PCDH9: variants seen among roughly 807,000 people sequenced by gnomAD.
PCDH9 encodes protocadherin-9.
Under a neutral mutation model 70.6 loss-of-function variants are expected in PCDH9, and 24 were observed. The observed-to-expected ratio is 0.34, with a 90% CI of 0.25 to 0.48. The LOEUF (loss-of-function observed/expected upper bound fraction) is 0.48. Among genes scored for constraint, PCDH9 ranks in the 20% least tolerant of loss-of-function variants. The probability of loss-of-function intolerance (pLI) is 0.99; values close to 1 mark genes in which losing one functional copy is unlikely to be tolerated. For missense variants in PCDH9, 1,281 were observed against 1,503.6 expected, an observed-to-expected ratio of 0.85 and a Z score of 2.45; for synonymous variants, 562 against 558.5, an observed-to-expected ratio of 1.01 and a Z score of -0.09.
In PCDH9 at chr13:66,914,685, C is replaced by T. The variant is rs141906092; in HGVS notation, c.3037-11080G>A. Among the ~76,000 whole-genome samples the T allele has an allele frequency of 3.7e-3, 556 of 151,910 alleles. 4 individuals carry two copies. The highest frequency in any genetic ancestry group is 0.012 in the African/African-American group (515 of 41,502). On this transcript the variant is annotated intron_variant, in intron 2 of 4. Coordinates refer to ENST00000377865, the MANE Select transcript of PCDH9 (RefSeq NM_203487.3). Reference sequence around the variant, plus strand: ...TTTTATGAAGATTCTCTCAAATAAACGCATACATGCATTCATTCATTCAAA... The same window carrying T: ...TTTTATGAAGATTCTCTCAAATAAATGCATACATGCATTCATTCATTCAAA...
At chr13:66,762,342 G>A (rs953921185) in intron 3 of PCDH9, among the ~76,000 whole-genome samples, 2 of 152,046 alleles carry the variant, frequency 1.3e-5, no homozygotes, top group African/African-American at 4.8e-5. Flanking sequence ...AGACAGGCCA[G>A]GAGGCTAAAT....
chr13:66,977,853 C>A (rs1000695092), intron 2 of PCDH9, among the ~76,000 whole-genome samples: 1 of 152,016 alleles, frequency 6.6e-6, no homozygotes, highest in East Asian at 1.9e-4. Context: ...CTCTATCCCA[C>A]CAGATTTCGC....
chr13:66,875,009 G>C (rs1389796671), intron 3 of PCDH9, among the ~76,000 whole-genome samples: 2 of 150,382 alleles, frequency 1.3e-5, no homozygotes, highest in African/African-American at 4.9e-5. Flanking sequence ...ATAATGAGAA[G>C]TTATCAGAAT....
At chr13:67,184,849 T>C (rs1441647548) in intron 2 of PCDH9, among the ~76,000 whole-genome samples, 1 of 152,234 alleles carries the variant, frequency 6.6e-6, no homozygotes, top group East Asian at 1.9e-4. Flanking sequence ...TATTTTCTAT[T>C]CACGAGGAGT....
intron 3 of PCDH9, among the ~76,000 whole-genome samples, chr13:66,842,578 C>G (rs1594134571): frequency 6.6e-6 from 1 of 152,146 alleles, no homozygotes; most frequent in Non-Finnish European, 1.5e-5. Flanking sequence ...GAAATAGGGA[C>G]ATTTCATCTC....
At position 67,226,311 on chromosome 13, in the gene PCDH9, G is replaced by A. The variant is rs774684864; in HGVS notation, c.2130C>T (p.Asn710=). The change falls in exon 2 of 5, where the codon AAC becomes AAT. Residue 710 remains asparagine (N), a synonymous_variant. Coordinates refer to ENST00000377865, the MANE Select transcript of PCDH9 (RefSeq NM_203487.3). This position sits in a 1 kb window ranked among gnomAD's most constrained non-coding sequence, Gnocchi z 5.0. ...VFAVDVDTGM[N]AELKYTIVSG... is the part of the protein sequence containing the mutation. ...TCACTATAGTATACTTTAGTTCAGCGTTCATTCCAGTGTCAACATCCACTG... is the reference window on the plus strand; with the variant it reads ...TCACTATAGTATACTTTAGTTCAGCATTCATTCCAGTGTCAACATCCACTG... 7.1e-5 allele frequency: 115 copies of A among 1,613,896 alleles called. No homozygotes were observed. The highest frequency in any genetic ancestry group is 1.8e-4 in the Admixed American group (11 of 59,998).
chr13:66,315,424 G>A (rs1253874108), intron 4 of PCDH9, among the ~76,000 whole-genome samples: 3 of 151,986 alleles, frequency 2.0e-5, no homozygotes, highest in East Asian at 3.8e-4. Flanking sequence ...AACCAAGCAC[G>A]TAGCAAGTCC....
chr13:66,940,656 G>C (rs1228245379), intron 2 of PCDH9, among the ~76,000 whole-genome samples: 1 of 151,732 alleles, frequency 6.6e-6, no homozygotes, highest in Non-Finnish European at 1.5e-5. Context: ...TTTTTCTGTA[G>C]ACATCCAAAA....
chr13:66,621,691 GACAA>G (rs887276116), intron 4 of PCDH9, among the ~76,000 whole-genome samples: 19 of 152,128 alleles, frequency 1.2e-4, no homozygotes, highest in Non-Finnish European at 2.4e-4. Context: ...TAGTACCAAA[GACAA>G]ACAAAAAACA....
At chr13:66,921,569 G>T (rs1246939487) in intron 2 of PCDH9, among the ~76,000 whole-genome samples, 1 of 151,152 alleles carries the variant, frequency 6.6e-6, no homozygotes, top group African/African-American at 2.4e-5. Context: ...TCTAAAATTT[G>T]CCACATGAAT....
intron 4 of PCDH9, among the ~76,000 whole-genome samples, chr13:66,327,991 CT>C (rs1379657845): frequency 6.6e-6 from 1 of 152,060 alleles, no homozygotes; most frequent in East Asian, 1.9e-4. Context: ...ATTAATAAGC[CT>C]TTAGTTACTT....
chr13:67,203,942 G>A (rs2089278342), intron 2 of PCDH9: 1 of 151,792 alleles, frequency 6.6e-6, no homozygotes, highest in Admixed American at 6.6e-5. Context: ...TTGTAGAAGA[G>A]AAAAAAATAA....
intron 4 of PCDH9, among the ~76,000 whole-genome samples, chr13:66,485,773 C>T (rs959490546): frequency 6.6e-6 from 1 of 151,248 alleles, no homozygotes; most frequent in African/African-American, 2.4e-5. Flanking sequence ...CTGAGTTTCG[C>T]TCTTGTTTCC....
intron 2 of PCDH9, among the ~76,000 whole-genome samples, chr13:66,905,955 T>A (rs539277940): frequency 1.6e-4 from 24 of 152,232 alleles, no homozygotes; most frequent in African/African-American, 5.8e-4. Flanking sequence ...CTATAACTCA[T>A]TCATTCACTC....
intron 4 of PCDH9, among the ~76,000 whole-genome samples, chr13:66,504,609 G>A (rs147093157): frequency 4.6e-5 from 7 of 152,110 alleles, no homozygotes; most frequent in African/African-American, 7.2e-5. Flanking sequence ...TTCATACATC[G>A]ATAGACTGAA....
chr13:66,885,469 T>A (rs1044876011), intron 3 of PCDH9, among the ~76,000 whole-genome samples: 3 of 152,210 alleles, frequency 2.0e-5, no homozygotes, highest in African/African-American at 7.2e-5. Context: ...ATTAGCTGGG[T>A]TATTCTGTAT....
chr13:66,804,826 G>A (rs2080386638), intron 3 of PCDH9, among the ~76,000 whole-genome samples: 1 of 152,040 alleles, frequency 6.6e-6, no homozygotes, highest in South Asian at 2.1e-4. Context: ...CTTCTTATAG[G>A]AGGGGGACTA....
chr13:66,633,968 T>C (rs1229077008), intron 3 of PCDH9, among the ~76,000 whole-genome samples: 3 of 152,168 alleles, frequency 2.0e-5, no homozygotes, highest in Admixed American at 2.0e-4. Context: ...ATGATTACAC[T>C]GAAAAGAAAA....
At chr13:66,700,139 C>G (rs1419016075) in intron 3 of PCDH9, among the ~76,000 whole-genome samples, 1 of 151,622 alleles carries the variant, frequency 6.6e-6, no homozygotes, top group Non-Finnish European at 1.5e-5. Context: ...TGTAGCAAAC[C>G]CCGGCACCTG....
Sources: allele counts gnomAD v4.1 joint callset (sites outside exome capture counted in the v4.1 genomes callset), GRCh38; gene constraint gnomAD v4.1.1; non-coding constraint Gnocchi (gnomAD v3.1); transcripts MANE v1.5; gene names NCBI Gene and HGNC (gene_info 2026-07-23, HGNC 2026-07-21).